Variants in TBC1D8 observed in about 807,000 individuals in gnomAD.
TBC1D8 encodes the protein TBC1 domain family member 8.
In TBC1D8, 65 loss-of-function variants were observed where a neutral mutation model predicts 118.8. The observed-to-expected ratio is 0.55, with a 90% CI of 0.45 to 0.67. The LOEUF (loss-of-function observed/expected upper bound fraction) is 0.67. Among genes scored for constraint, TBC1D8 ranks in the 30% least tolerant of loss-of-function variants. The probability of loss-of-function intolerance (pLI) is 0.00; values close to 1 mark genes in which losing one functional copy is unlikely to be tolerated. For synonymous variants in TBC1D8, 566 were observed against 595.8 expected (o/e 0.95, Z 0.73); for missense variants, 1,376 against 1,471.2 (o/e 0.94, Z 1.06).
chr2:101,041,997 C>A (rs988940190), intron 5 of TBC1D8, among the ~76,000 whole-genome samples: 1 of 151,838 alleles, frequency 6.6e-6, no homozygotes, highest in Non-Finnish European at 1.5e-5. Flanking sequence ...TGCACTCTAG[C>A]CTGGGCGACA....
chr2:101,127,722 T>C (rs1678415925), intron 1 of TBC1D8, among the ~76,000 whole-genome samples: 2 of 152,094 alleles, frequency 1.3e-5, no homozygotes, highest in Admixed American at 1.3e-4. Flanking sequence ...TTTAGCACCA[T>C]GAGAAATCAG....
chr2:101,087,030 C>T (rs908391140), intron 2 of TBC1D8, among the ~76,000 whole-genome samples: 4 of 151,974 alleles, frequency 2.6e-5, no homozygotes, highest in East Asian at 1.9e-4. Context: ...GTGATCCGCC[C>T]GCCTCAGCCT....
At chr2:101,089,260 G>A (rs1043739082) in intron 2 of TBC1D8, among the ~76,000 whole-genome samples, 31 of 152,170 alleles carry the variant, frequency 2.0e-4, no homozygotes, top group Non-Finnish European at 4.0e-4. Flanking sequence ...GAAAGTTTAA[G>A]TTAACTAATA....
Position 101,032,405 on chromosome 2 carries a change from G to C in TBC1D8, c.1819-20C>G. 6.3e-7 allele frequency: 1 copy of C among 1,599,362 alleles called. No homozygotes were observed. The highest frequency in any genetic ancestry group is 1.1e-5 in the South Asian group (1 of 90,646). ...CATGGACTGCTCGGGGGTCAAGGAGGGCAGTTACTGACTGGCCCATGTGAT... is the reference window on the plus strand; with the variant it reads ...CATGGACTGCTCGGGGGTCAAGGAGCGCAGTTACTGACTGGCCCATGTGAT... On this transcript the variant is annotated intron_variant, in intron 10 of 19. Transcript: ENST00000409318.
intron 1 of TBC1D8, among the ~76,000 whole-genome samples, chr2:101,106,533 A>G (rs1677227945): frequency 6.6e-6 from 1 of 152,226 alleles, no homozygotes; most frequent in South Asian, 2.1e-4. Context: ...AAAGGACGGC[A>G]AAGAACCATA....
chr2:101,055,572 T>C (rs765762868), intron 3 of TBC1D8, among the ~76,000 whole-genome samples: 2 of 152,106 alleles, frequency 1.3e-5, no homozygotes, highest in South Asian at 2.1e-4. Context: ...AAACAAAACA[T>C]CTAAATCTAT....
chr2:101,095,388 C>T (rs1676338926), intron 1 of TBC1D8, among the ~76,000 whole-genome samples: 1 of 145,820 alleles, frequency 6.9e-6, no homozygotes, highest in African/African-American at 2.5e-5. Flanking sequence ...TCTCCTAATG[C>T]TATCTCCCCC....
intron 1 of TBC1D8, among the ~76,000 whole-genome samples, chr2:101,118,141 A>G (rs1323649497): frequency 6.6e-6 from 1 of 152,088 alleles, no homozygotes; most frequent in Non-Finnish European, 1.5e-5. Flanking sequence ...CTGCTTGGCA[A>G]CACAGCCAGA....
At chr2:101,065,482 G>C (rs1292201881) in intron 2 of TBC1D8, among the ~76,000 whole-genome samples, 3 of 151,974 alleles carry the variant, frequency 2.0e-5, no homozygotes, top group African/African-American at 4.8e-5. Context: ...AGGAGGGAAA[G>C]GGTTGGAACA....
intron 5 of TBC1D8, among the ~76,000 whole-genome samples, chr2:101,049,391 G>C (rs747730566): frequency 1.3e-5 from 2 of 152,146 alleles, no homozygotes; most frequent in African/African-American, 2.4e-5. Flanking sequence ...AATAGGTCCA[G>C]CTGTCCTGAA....
At chr2:101,033,315 A>G in intron 10 of TBC1D8, 1 of 612,610 alleles carries the variant, frequency 1.6e-6, no homozygotes, top group Non-Finnish European at 3.0e-6. Context: ...GGGTTTCACC[A>G]TGTTGGCCAG....
Position 101,054,151 on chromosome 2 carries a change from G to A in TBC1D8, c.588C>T (p.Ser196=), listed in dbSNP as rs1396268378. ...AGGAGTAGAAGCAGAGGTGGTTGAT[G>A]CTGAGGTACAGCCAGCCCTGGCGGG... ...RVPRQGWLYL[S]INHLCFYSFF... The change falls in exon 4 of 20, where the codon AGC becomes AGT. Residue 196 remains serine, a synonymous_variant. Coordinates refer to ENST00000409318, the MANE Select transcript of TBC1D8 (RefSeq NM_001330348.2). The A allele has an allele frequency of 6.2e-7, 1 of 1,613,552 alleles. No individual in the cohort carries two copies.
Position 101,040,258 on chromosome 2 carries a change from G to T in TBC1D8, c.1000C>A (p.Arg334=). ...TPFSRCHTTG[R]MFASDSYICF... ...ATGTAGCTGTCAGAGGCGAACATCC[G>T]CCCCGTGGTGTGACAGCGACTGAAC... The change falls in exon 6 of 20, where the codon CGG becomes AGG. Residue 334 remains arginine (R), a synonymous_variant. Transcript: ENST00000409318. 1 of 1,613,958 alleles carries T rather than the reference G, an allele frequency of 6.2e-7. No individual in the cohort carries two copies. The highest frequency in any genetic ancestry group is 8.5e-7 in the Non-Finnish European group (1 of 1,179,894).
At chr2:101,080,547 T>G (rs1440000429) in intron 2 of TBC1D8, among the ~76,000 whole-genome samples, 1 of 152,194 alleles carries the variant, frequency 6.6e-6, no homozygotes, top group Non-Finnish European at 1.5e-5. Flanking sequence ...GACAAGAGAA[T>G]GTGCGTCAGA....
intron 2 of TBC1D8, among the ~76,000 whole-genome samples, chr2:101,086,611 G>A (rs990321340): frequency 2.0e-5 from 3 of 150,432 alleles, no homozygotes; most frequent in Non-Finnish European, 4.4e-5. Context: ...TTCTCCTATT[G>A]GCCTATCAAA....
chr2:101,078,088 C>A (rs567611379), intron 2 of TBC1D8, among the ~76,000 whole-genome samples: 1 of 152,160 alleles, frequency 6.6e-6, no homozygotes, highest in Non-Finnish European at 1.5e-5. Context: ...AAGATTGTAT[C>A]CCCAACCAAC....
chr2:101,099,938 T>C (rs2871392), intron 1 of TBC1D8, among the ~76,000 whole-genome samples: 45,205 of 152,000 alleles, frequency 0.3, 6,876 homozygotes, highest in East Asian at 0.38. Flanking sequence ...AGCATTTCCA[T>C]TGAAAACCAG....
intron 15 of TBC1D8, among the ~76,000 whole-genome samples, chr2:101,026,795 C>A (rs1680365671): frequency 6.6e-6 from 1 of 152,114 alleles, no homozygotes; most frequent in Non-Finnish European, 1.5e-5. Context: ...AGGATGATTC[C>A]AGGTAAATAT....
intron 1 of TBC1D8, among the ~76,000 whole-genome samples, chr2:101,133,590 T>C (rs1002113299): frequency 6.6e-6 from 1 of 152,164 alleles, no homozygotes; most frequent in Non-Finnish European, 1.5e-5. Flanking sequence ...CTTCATGCTG[T>C]GTCTTCACAA....
Sources: gnomAD v4.1 joint callset for allele counts (sites outside exome capture counted in the v4.1 genomes callset) on GRCh38, gnomAD v4.1.1 for gene constraint, MANE v1.5 for transcripts, NCBI Gene and HGNC (gene_info 2026-07-23, HGNC 2026-07-21) for gene names.